Variants in PSD3 observed in about 807,000 individuals in gnomAD.
The protein encoded by PSD3 is PH and SEC7 domain-containing protein 3.
Under a neutral mutation model 105.5 loss-of-function variants are expected in PSD3, and 49 were observed. The observed-to-expected ratio is 0.46, with a 90% CI of 0.37 to 0.59. The LOEUF (loss-of-function observed/expected upper bound fraction) is 0.59. Among genes scored for constraint, PSD3 ranks in the 20% least tolerant of loss-of-function variants. The pLI, the probability that PSD3 is intolerant of heterozygous loss-of-function variation, is 0.00. For synonymous variants in PSD3, 557 were observed against 457.8 expected (o/e 1.22, Z -2.77); for missense variants, 1,561 against 1,263.8 (o/e 1.24, Z -3.57).
At chr8:18,851,857 T>C (rs901047911) in intron 4 of PSD3, among the ~76,000 whole-genome samples, 2 of 152,164 alleles carry the variant, frequency 1.3e-5, no homozygotes, top group African/African-American at 4.8e-5. Flanking sequence ...TTCTGGAGAG[T>C]GGGACCAATG....
intron 1 of PSD3, among the ~76,000 whole-genome samples, chr8:19,051,058 A>G (rs1359791132): frequency 2.6e-5 from 4 of 152,128 alleles, no homozygotes; most frequent in Admixed American, 1.3e-4. Flanking sequence ...CAACATCCTC[A>G]GAGTCTATCC....
At chr8:18,684,243 CACACA>C (rs781090929) in intron 9 of PSD3, 2 of 210,808 alleles carry the variant, frequency 9.5e-6, no homozygotes, top group Non-Finnish European at 1.9e-5. Flanking sequence ...CACACACACA[CACACA>C]CACCCCATCA....
At chr8:18,623,602 C>G (rs1806280352) in intron 11 of PSD3, among the ~76,000 whole-genome samples, 1 of 149,682 alleles carries the variant, frequency 6.7e-6, no homozygotes, top group Admixed American at 6.7e-5. Flanking sequence ...ATTGCATGTA[C>G]CACTGTACTC....
intron 13 of PSD3, 114 bp downstream of exon 13, chr8:18,575,014 G>C (rs1170607610): frequency 1.8e-6 from 2 of 1,086,088 alleles, no homozygotes; most frequent in East Asian, 5.4e-5. Context: ...AGCAGTTGAT[G>C]ACTTTGATTC....
chr8:18,631,353 A>G (rs1806880763), intron 11 of PSD3, among the ~76,000 whole-genome samples: 1 of 152,006 alleles, frequency 6.6e-6, no homozygotes, highest in Non-Finnish European at 1.5e-5. Context: ...GTCAATCACA[A>G]TATTCCATCC....
intron 1 of PSD3, among the ~76,000 whole-genome samples, chr8:19,081,906 A>C (rs1229186328): frequency 6.6e-6 from 1 of 152,210 alleles, no homozygotes; most frequent in Non-Finnish European, 1.5e-5. Context: ...GTTTCACTTT[A>C]ATAAACATAA....
intron 9 of PSD3, among the ~76,000 whole-genome samples, chr8:18,725,339 A>G (rs1203952380): frequency 6.6e-6 from 1 of 152,244 alleles, no homozygotes; most frequent in African/African-American, 2.4e-5. Context: ...AGGAGAAAAT[A>G]TAAGTAGGAT....
chr8:18,859,605 C>A (rs1283269134), intron 4 of PSD3, among the ~76,000 whole-genome samples: 3 of 152,232 alleles, frequency 2.0e-5, no homozygotes, highest in Non-Finnish European at 4.4e-5. Context: ...ATTATCCCAG[C>A]TAGATCTTCT....
At chr8:18,806,837 T>G (rs771529541) in intron 4 of PSD3, among the ~76,000 whole-genome samples, 7 of 152,156 alleles carry the variant, frequency 4.6e-5, no homozygotes, top group Non-Finnish European at 1.0e-4. Context: ...ACGGAGATAA[T>G]AAATCCTTAA....
Position 18,930,160 on chromosome 8 carries a change from C to T in PSD3, c.130+5874G>A, listed in dbSNP as rs571061813. Among the ~76,000 whole-genome samples the T allele has an allele frequency of 3.9e-5, 6 of 152,200 alleles. No homozygotes were observed. The East Asian group carries it at 1.2e-3, about 29-fold the overall frequency. ...CCACAGGCACCATACAGCAAGAACA[C>T]AAGACTCACACTTCCAGAAACGTGA... is the stretch of plus-strand genomic sequence containing the variant. On this transcript the variant is annotated intron_variant, in intron 2 of 15. Coordinates refer to ENST00000327040, the MANE Select transcript of PSD3 (RefSeq NM_015310.4).
intron 4 of PSD3, among the ~76,000 whole-genome samples, chr8:18,836,707 A>C (rs1814137607): frequency 6.6e-6 from 1 of 152,152 alleles, no homozygotes; most frequent in African/African-American, 2.4e-5. Context: ...TACACTTTAA[A>C]TCATCTCTAG....
At chr8:18,687,903 G>A (rs891830608) in intron 9 of PSD3, among the ~76,000 whole-genome samples, 2 of 152,040 alleles carry the variant, frequency 1.3e-5, no homozygotes, top group African/African-American at 2.4e-5. Flanking sequence ...GAGTAGCTGG[G>A]ATTACAGGCA....
intron 4 of PSD3, among the ~76,000 whole-genome samples, chr8:18,822,706 A>G (rs1267727206): frequency 6.6e-6 from 1 of 152,192 alleles, no homozygotes; most frequent in African/African-American, 2.4e-5. Context: ...CTCAGAAAAC[A>G]GCTTGCACTC....
chr8:19,065,068 C>T (rs1829032081), intron 1 of PSD3, among the ~76,000 whole-genome samples: 1 of 152,138 alleles, frequency 6.6e-6, no homozygotes, highest in Admixed American at 6.5e-5. Flanking sequence ...GGAAGGGGTG[C>T]AGGTTACCTG....
intron 9 of PSD3, among the ~76,000 whole-genome samples, chr8:18,676,326 G>A (rs1175948618): frequency 2.6e-5 from 4 of 152,104 alleles, no homozygotes; most frequent in South Asian, 2.1e-4. Flanking sequence ...AATGCAGTAC[G>A]ACCTTGGGAG....
intron 9 of PSD3, among the ~76,000 whole-genome samples, chr8:18,661,634 A>G (rs1809355592): frequency 6.6e-6 from 1 of 152,124 alleles, no homozygotes; most frequent in African/African-American, 2.4e-5. Flanking sequence ...CCCCCTCCGC[A>G]CCAGTGGAGG....
At chr8:18,940,377 C>G (rs1392747011) in intron 1 of PSD3, 1 of 152,198 alleles carries the variant, frequency 6.6e-6, no homozygotes, top group East Asian at 1.9e-4. Flanking sequence ...ATCCACAGAC[C>G]AGCTTTGAGG....
intron 2 of PSD3, among the ~76,000 whole-genome samples, chr8:18,921,003 C>T (rs964228331): frequency 6.6e-6 from 1 of 152,170 alleles, no homozygotes; most frequent in Non-Finnish European, 1.5e-5. Context: ...CAAATATTTA[C>T]ATAAATTCTA....
intron 9 of PSD3, among the ~76,000 whole-genome samples, chr8:18,676,026 C>A (rs1040195927): frequency 6.6e-6 from 1 of 152,172 alleles, no homozygotes; most frequent in Non-Finnish European, 1.5e-5. Flanking sequence ...TTCAGGTTAT[C>A]ATGATGCTAC....
Sources: allele counts gnomAD v4.1 joint callset (sites outside exome capture counted in the v4.1 genomes callset), GRCh38; gene constraint gnomAD v4.1.1; transcripts MANE v1.5; gene names NCBI Gene and HGNC (gene_info 2026-07-23, HGNC 2026-07-21).